ACER2: variants seen among roughly 807,000 people sequenced by gnomAD.
ACER2 encodes alkaline ceramidase 2, also known as alkCDase 2.
ACER2 carries 26 observed loss-of-function variants against 34.7 expected under a neutral mutation model. The ratio of observed to expected loss-of-function variants is 0.75; its 90% CI spans 0.55 to 1.04. The LOEUF (loss-of-function observed/expected upper bound fraction) is 1.04, where lower values mean the gene tolerates loss of function less well. Ranked by LOEUF, ACER2 falls within the 50% of genes least tolerant of loss-of-function variation. The pLI is 0.00. For synonymous variants in ACER2, 138 were observed against 132.1 expected, an observed-to-expected ratio of 1.04 and a Z score of -0.31; for missense variants, 352 against 340.8, an observed-to-expected ratio of 1.03 and a Z score of -0.26.
chr9:19,419,578 C>A (rs1233785053), intron 1 of ACER2, among the ~76,000 whole-genome samples: 1 of 152,086 alleles, frequency 6.6e-6, no homozygotes, highest in African/African-American at 2.4e-5. Flanking sequence ...CCAGCCTGGC[C>A]AACGTGATGA....
chr9:19,412,628 G>T (rs10964125), intron 1 of ACER2, among the ~76,000 whole-genome samples: 1 of 144,838 alleles, frequency 6.9e-6, no homozygotes, highest in Non-Finnish European at 1.5e-5. Flanking sequence ...GCACACTCTA[G>T]CCTGGGCAAC....
At chr9:19,410,006 G>C (rs1191786937) in intron 1 of ACER2, 9 of 891,392 alleles carry the variant, frequency 1.0e-5, no homozygotes, top group Middle Eastern at 5.7e-4. Flanking sequence ...CTTATTTTGT[G>C]TATGTCCATG....
intron 1 of ACER2, among the ~76,000 whole-genome samples, chr9:19,420,404 C>A (rs2132469474): frequency 6.6e-6 from 1 of 152,312 alleles, no homozygotes; most frequent in South Asian, 2.1e-4. Flanking sequence ...CATACTTCTT[C>A]TCTGTGCTCA....
chr9:19,424,868 T>C (rs1830512938), intron 3 of ACER2, 27 bp downstream of exon 3: 1 of 1,613,780 alleles, frequency 6.2e-7, no homozygotes, highest in Non-Finnish European at 8.5e-7. Flanking sequence ...CATTATTGCA[T>C]TTACCACTAG....
intron 4 of ACER2, among the ~76,000 whole-genome samples, chr9:19,442,692 G>T (rs1489489120): frequency 1.3e-5 from 2 of 152,238 alleles, no homozygotes; most frequent in Non-Finnish European, 2.9e-5. Flanking sequence ...GATGTTCATA[G>T]ATCCTCGTGT....
intron 3 of ACER2, among the ~76,000 whole-genome samples, chr9:19,430,498 C>T (rs192775726): frequency 1.3e-5 from 2 of 152,276 alleles, no homozygotes; most frequent in Non-Finnish European, 2.9e-5. Context: ...CCTCTGTTGA[C>T]TCTGGGGTCT....
chr9:19,423,844 T>A lies in ACER2; in HGVS notation c.109-18T>A. 7 of 1,594,324 alleles carry A rather than the reference T, an allele frequency of 4.4e-6. No individual in the cohort carries two copies. The highest frequency in any genetic ancestry group is 6.0e-6 in the Non-Finnish European group (7 of 1,162,458). On this transcript the variant is annotated intron_variant, in intron 1 of 5. Transcript: ENST00000340967. ...TTACTTAATACTCATCTTTCTGTTT[T>A]ACATTTTTTTCCTGCAGATCAGCAA...
At chr9:19,429,195 C>A (rs1330536079) in intron 3 of ACER2, among the ~76,000 whole-genome samples, 1 of 152,134 alleles carries the variant, frequency 6.6e-6, no homozygotes, top group Non-Finnish European at 1.5e-5. Flanking sequence ...AAAAAACTTT[C>A]TTTCATCTTG....
In ACER2 at chr9:19,437,512, T is replaced by C. The variant is rs75909253; in HGVS notation, c.503+2428T>C. ...ACCATTGCATTTGCTTTCTAACCAGTCTCTTCTTCCTCCAATCTCTTCTTT... is the reference window on the plus strand; with the variant it reads ...ACCATTGCATTTGCTTTCTAACCAGCCTCTTCTTCCTCCAATCTCTTCTTT... On this transcript the variant is annotated intron_variant, in intron 4 of 5. Coordinates refer to ENST00000340967, the MANE Select transcript of ACER2 (RefSeq NM_001010887.3). Among the ~76,000 whole-genome samples, 275 of 152,212 alleles carry C rather than the reference T, an allele frequency of 1.8e-3. 2 individuals are homozygous for C. Among genetic ancestry groups the C allele is most frequent in the African/African-American group, 5.1e-3 (213 of 41,556 alleles).
intron 1 of ACER2, among the ~76,000 whole-genome samples, chr9:19,415,563 A>G (rs950419073): frequency 1.3e-5 from 2 of 152,262 alleles, no homozygotes; most frequent in African/African-American, 4.8e-5. Context: ...AAAGTTTTAC[A>G]TATCATAATT....
intron 1 of ACER2, among the ~76,000 whole-genome samples, chr9:19,418,052 C>T (rs181235065): frequency 1.3e-5 from 2 of 152,182 alleles, no homozygotes; most frequent in Non-Finnish European, 2.9e-5. Flanking sequence ...TGAACAGACA[C>T]TTCTCAAAAG....
At chr9:19,428,654 A>G (rs7031900) in intron 3 of ACER2, among the ~76,000 whole-genome samples, 10 of 152,048 alleles carry the variant, frequency 6.6e-5, no homozygotes, top group Admixed American at 4.6e-4. Context: ...TGACAAAAGT[A>G]TCTTCCTGAT....
chr9:19,436,895 G>T (rs1037361683), intron 4 of ACER2, among the ~76,000 whole-genome samples: 9 of 152,126 alleles, frequency 5.9e-5, no homozygotes, highest in Non-Finnish European at 1.5e-5. Context: ...TGTTTTCAGT[G>T]CTCCCTATCC....
intron 3 of ACER2, among the ~76,000 whole-genome samples, chr9:19,431,517 A>G (rs888071627): frequency 1.3e-5 from 2 of 152,200 alleles, no homozygotes; most frequent in South Asian, 2.1e-4. Context: ...AAAAGGCCCA[A>G]TTGCCTTGGC....
chr9:19,424,765 G>A lies in ACER2; in HGVS notation c.289G>A (p.Val97Ile), dbSNP rs1419927303. ...GGGTCAGATGCTTGATGAACTTGCA[G>A]TCCTTTGGGTTCTGATGTGTGCTTT... ...FLGQMLDELA[V>I]LWVLMCALAM... The change falls in exon 3 of 6, where the codon GTC (valine) becomes ATC (isoleucine). Residue 97 changes from valine (V) to isoleucine (I), a missense_variant. Coordinates refer to ENST00000340967, the MANE Select transcript of ACER2 (RefSeq NM_001010887.3). 6.2e-7 allele frequency: 1 copy of A among 1,614,098 alleles called. No homozygotes were observed. The highest frequency in any genetic ancestry group is 8.5e-7 in the Non-Finnish European group (1 of 1,180,008).
intron 4 of ACER2, among the ~76,000 whole-genome samples, chr9:19,444,357 G>A (rs1283891372): frequency 2.0e-5 from 3 of 151,684 alleles, no homozygotes; most frequent in African/African-American, 2.4e-5. Flanking sequence ...GACTACAGGC[G>A]CCCGCCACCA....
intron 3 of ACER2, among the ~76,000 whole-genome samples, chr9:19,428,487 C>T (rs1203272439): frequency 6.6e-6 from 1 of 151,976 alleles, no homozygotes; most frequent in African/African-American, 2.4e-5. Context: ...ATATTCTAAA[C>T]ACACATTAAA....
chr9:19,448,121 C>T (rs1159272651), intron 5 of ACER2, among the ~76,000 whole-genome samples: 1 of 150,788 alleles, frequency 6.6e-6, no homozygotes, highest in Non-Finnish European at 1.5e-5. Flanking sequence ...GATTCTCCCA[C>T]CTCACCCCCT....
intron 4 of ACER2, among the ~76,000 whole-genome samples, chr9:19,444,281 G>C (rs986363774): frequency 1.3e-5 from 2 of 149,030 alleles, no homozygotes; most frequent in Admixed American, 6.7e-5. Flanking sequence ...GCGCGATCTC[G>C]GCTCACTGCA....
Sources: allele counts gnomAD v4.1 joint callset (sites outside exome capture counted in the v4.1 genomes callset), GRCh38; gene constraint gnomAD v4.1.1; transcripts MANE v1.5; gene names NCBI Gene and HGNC (gene_info 2026-07-23, HGNC 2026-07-21).